VWA5B1: variants seen among roughly 807,000 people sequenced by gnomAD.
The protein encoded by VWA5B1 is von Willebrand factor A domain containing 5B1.
VWA5B1 carries 115 observed loss-of-function variants against 118.2 expected under a neutral mutation model. The observed-to-expected ratio is 0.97, with a 90% CI of 0.84 to 1.14. The LOEUF is 1.14. Among genes scored for constraint, VWA5B1 ranks in the 50% most tolerant of loss-of-function variants. The pLI, the probability that VWA5B1 is intolerant of heterozygous loss-of-function variation, is 0.00. For synonymous variants in VWA5B1, 682 were observed against 658.4 expected, an observed-to-expected ratio of 1.04 and a Z score of -0.55; for missense variants, 1,596 against 1,603.8, an observed-to-expected ratio of 1.00 and a Z score of 0.08.
chr1:20,302,155 A>G (rs2088520032), intron 1 of VWA5B1, among the ~76,000 whole-genome samples: 1 of 151,950 alleles, frequency 6.6e-6, no homozygotes, highest in Non-Finnish European at 1.5e-5. Flanking sequence ...GGACATCTCA[A>G]CTGGCTGGAC....
rs771373496 is a variant in VWA5B1 at position 20,330,357 on chromosome 1, G to T, written c.1432G>T (p.Val478Leu). The change falls in exon 10 of 22, where the codon GTG (valine) becomes TTG (leucine). Residue 478 changes from valine to leucine, a missense_variant. By Grantham distance (32) the Val-to-Leu change is conservative. Coordinates refer to ENST00000289815, the MANE Select transcript of VWA5B1 (RefSeq NM_001039500.3). ...VNNTGKVLELVRNHAFSTRCY... is the reference protein window; with the variant it reads ...VNNTGKVLELLRNHAFSTRCY... ...CAACACAGGGAAGGTGCTGGAGCTG[G>T]TGCGAAATCACGCCTTCTCCACCAG... The T allele has an allele frequency of 6.4e-6, 10 of 1,551,650 alleles. No homozygotes were observed. Among genetic ancestry groups the T allele is most frequent in the African/African-American group, 2.7e-5 (2 of 73,054 alleles).
chr1:20,311,464 G>C (rs560827331), intron 2 of VWA5B1, among the ~76,000 whole-genome samples: 1 of 152,242 alleles, frequency 6.6e-6, no homozygotes, highest in African/African-American at 2.4e-5. Flanking sequence ...CCTCTCTGCT[G>C]TCCAGATGCC....
chr1:20,358,717 T>A lies in VWA5B1; in HGVS notation c.*4454T>A, dbSNP rs1037401125. Among the ~76,000 whole-genome samples, 3 of 152,258 alleles carry A rather than the reference T, an allele frequency of 2.0e-5. No individual in the cohort carries two copies. Among genetic ancestry groups the A allele is most frequent in the African/African-American group, 7.2e-5 (3 of 41,472 alleles). ...ATGAATGGGGCATGTGCTCATTGCC[T>A]TGGCATCTGGAAGATTTTGTTCTTA... On this transcript the variant is annotated 3_prime_UTR_variant, in exon 22 of 22. Coordinates refer to ENST00000289815, the MANE Select transcript of VWA5B1 (RefSeq NM_001039500.3).
Position 20,319,633 on chromosome 1 carries a change from A to G in VWA5B1, c.966+127A>G, listed in dbSNP as rs1029772381. On this transcript the variant is annotated intron_variant, in intron 7 of 21. Coordinates refer to ENST00000289815, the MANE Select transcript of VWA5B1 (RefSeq NM_001039500.3). ...GTCATCCAGCAAGCTGGAGGCAGAC[A>G]CCAGGCAAGAAGTGTTTCCTTCTGT... 1.1e-5 allele frequency: 15 copies of G among 1,382,644 alleles called. No individual in the cohort carries two copies. In the Admixed American group the frequency reaches 2.4e-4, roughly 22 times the overall value. 85.6% of individuals were successfully genotyped at this position (1,382,644 alleles called of 1,614,324 possible).
chr1:20,324,494 C>T (rs181319723), intron 8 of VWA5B1, among the ~76,000 whole-genome samples: 6 of 152,366 alleles, frequency 3.9e-5, no homozygotes, highest in Admixed American at 3.9e-4. Context: ...AAAGGGTCGT[C>T]TATCCTCTCA....
chr1:20,337,734 C>A lies in VWA5B1; in HGVS notation c.2031C>A (p.Asp677Glu), dbSNP rs199994301. The A allele has an allele frequency of 2.7e-3, 4,144 of 1,551,770 alleles. 8 individuals carry two copies. The highest frequency in any genetic ancestry group is 3.4e-3 in the Non-Finnish European group (3,872 of 1,147,020). Residue 677 changes from aspartate (D) to glutamate (E), a missense_variant, in exon 14 of 22, where the codon GAC becomes GAA. Transcript: ENST00000289815. ...KPLPRATMASDPMPAAKRYPL... is the reference protein window; with the variant it reads ...KPLPRATMASEPMPAAKRYPL... ...TCCCAAGAGCCACCATGGCAAGTGA[C>A]CCCATGCCAGCTGCCAAGAGATACC...
At chr1:20,342,765 C>T (rs779713256) in intron 15 of VWA5B1, among the ~76,000 whole-genome samples, 156 bp downstream of exon 15, 2 of 152,224 alleles carry the variant, frequency 1.3e-5, no homozygotes, top group African/African-American at 2.4e-5. Context: ...ACCAATCCCA[C>T]GCTTCCCAGT....
intron 4 of VWA5B1, among the ~76,000 whole-genome samples, chr1:20,317,155 CAAAAAAAAAAAAA>C: frequency 1.4e-5 from 1 of 70,516 alleles, no homozygotes; most frequent in South Asian, 4.9e-4. Context: ...GACTGCATCT[CAAAAAAAAAAAAA>C]AAAAAAAAAA....
intron 1 of VWA5B1, among the ~76,000 whole-genome samples, chr1:20,306,330 A>T (rs1277695442): frequency 6.6e-6 from 1 of 152,040 alleles, no homozygotes; most frequent in East Asian, 1.9e-4. Flanking sequence ...GCGGGGGCTC[A>T]GATCAATGGG....
chr1:20,308,462 C>A (rs192528594), intron 1 of VWA5B1, among the ~76,000 whole-genome samples: 2 of 152,080 alleles, frequency 1.3e-5, no homozygotes, highest in Admixed American at 6.5e-5. Flanking sequence ...CAGACAGGAG[C>A]GAACCAGGAT....
intron 2 of VWA5B1, among the ~76,000 whole-genome samples, chr1:20,311,861 G>A (rs956289520): frequency 2.6e-5 from 4 of 152,290 alleles, no homozygotes; most frequent in Middle Eastern, 6.8e-3. Flanking sequence ...AGGGCAAATG[G>A]CCCTGTTCCT....
At position 20,358,461 on chromosome 1, in the gene VWA5B1, G is replaced by A. The variant is rs1297558047; in HGVS notation, c.*4198G>A. ...CCCATGAGAGGGAAGGAGGAAAGGG[G>A]GTCTCCCCTATCTGTGTACAGTCTG... On this transcript the variant is annotated 3_prime_UTR_variant, in exon 22 of 22. Coordinates refer to ENST00000289815, the MANE Select transcript of VWA5B1 (RefSeq NM_001039500.3). 6.6e-6 allele frequency among the ~76,000 whole-genome samples: 1 copy of A among 152,130 alleles called. No individual in the cohort carries two copies. Among genetic ancestry groups the A allele is most frequent in the Non-Finnish European group, 1.5e-5 (1 of 68,010 alleles).
chr1:20,328,581 G>T (rs1050660074), intron 9 of VWA5B1, among the ~76,000 whole-genome samples: 1 of 152,118 alleles, frequency 6.6e-6, no homozygotes, highest in African/African-American at 2.4e-5. Context: ...AAGCAAATGG[G>T]ACACTTTTCA....
intron 12 of VWA5B1, among the ~76,000 whole-genome samples, chr1:20,335,184 A>G (rs1445696447): frequency 1.3e-5 from 2 of 152,138 alleles, no homozygotes; most frequent in Non-Finnish European, 2.9e-5. Context: ...ACGTGGTGGC[A>G]TATGCTTGTA....
At chr1:20,314,079 G>A (rs766961641) in intron 3 of VWA5B1, among the ~76,000 whole-genome samples, 49 of 152,174 alleles carry the variant, frequency 3.2e-4, no homozygotes, top group Non-Finnish European at 5.7e-4. Context: ...TCTCTGTTGG[G>A]GGTTTTGTGA....
At chr1:20,344,870 T>C (rs2089974791) in intron 16 of VWA5B1, among the ~76,000 whole-genome samples, 1 of 152,260 alleles carries the variant, frequency 6.6e-6, no homozygotes, top group Non-Finnish European at 1.5e-5. Context: ...TGGCTCCTCA[T>C]ACAGCCTTCT....
chr1:20,348,437 T>C (rs1404920680), intron 18 of VWA5B1, 79 bp downstream of exon 18: 6 of 1,428,048 alleles, frequency 4.2e-6, no homozygotes, highest in Non-Finnish European at 5.8e-6. Context: ...CGTCCTCCTG[T>C]CCGAGGCCCT....
At chr1:20,337,914 C>T (rs1010102737) in intron 14 of VWA5B1, 78 bp downstream of exon 14, 33 of 1,529,664 alleles carry the variant, frequency 2.2e-5, no homozygotes, top group African/African-American at 2.8e-5. Flanking sequence ...GCTTCAACCG[C>T]AGGACGTGGC....
intron 8 of VWA5B1, among the ~76,000 whole-genome samples, chr1:20,326,713 T>G (rs1455963102): frequency 1.1e-4 from 16 of 152,130 alleles, no homozygotes; most frequent in Non-Finnish European, 2.9e-5. Context: ...CCTCCCAAAG[T>G]GCTCGGATTA....
Sources: gnomAD v4.1 joint callset for allele counts (sites outside exome capture counted in the v4.1 genomes callset) on GRCh38, gnomAD v4.1.1 for gene constraint, MANE v1.5 for transcripts, NCBI Gene and HGNC (gene_info 2026-07-23, HGNC 2026-07-21) for gene names.